The following FHIT variants were observed in gnomAD, a reference collection of about 807,000 sequenced individuals.
FHIT encodes bis(5'-adenosyl)-triphosphatase.
In FHIT, 19 loss-of-function variants were observed where a neutral mutation model predicts 17.9. The observed-to-expected ratio is 1.06, with a 90% CI of 0.74 to 1.56. The LOEUF is 1.56. Among genes scored for constraint, FHIT ranks in the 40% most tolerant of loss-of-function variants. The pLI, the probability that FHIT is intolerant of heterozygous loss-of-function variation, is 0.00. For synonymous variants in FHIT, 81 were observed against 69.7 expected (o/e 1.16, Z -0.81); for missense variants, 248 against 189.2 (o/e 1.31, Z -1.82).
intron 2 of FHIT, among the ~76,000 whole-genome samples, chr3:61,084,717 T>C (rs1390420292): frequency 6.6e-6 from 1 of 152,216 alleles, no homozygotes; most frequent in African/African-American, 2.4e-5. Flanking sequence ...ATGTACAGTT[T>C]GATGAGTTTT....
At chr3:60,121,188 T>C (rs1484664281) in intron 5 of FHIT, among the ~76,000 whole-genome samples, 2 of 152,174 alleles carry the variant, frequency 1.3e-5, no homozygotes, top group Non-Finnish European at 2.9e-5. Flanking sequence ...ATCAAGGCTG[T>C]AAGAAGACAG....
At chr3:60,196,962 G>A (rs556426607) in intron 5 of FHIT, among the ~76,000 whole-genome samples, 23 of 152,160 alleles carry the variant, frequency 1.5e-4, no homozygotes, top group African/African-American at 5.1e-4. Flanking sequence ...GACACCCCAT[G>A]CATATAAACT....
chr3:60,402,448 G>A (rs1701700794), intron 5 of FHIT, among the ~76,000 whole-genome samples: 2 of 152,038 alleles, frequency 1.3e-5, no homozygotes, highest in African/African-American at 2.4e-5. Context: ...TATAATCCTT[G>A]GTAAAACTCC....
In FHIT at chr3:60,288,566, A is replaced by AGTGTGTGTGTGTGTGTGTGTGT. The variant is rs139336094; in HGVS notation, c.103+248272_103+248293dup. Among the ~76,000 whole-genome samples the AGTGTGTGTGTGTGTGTGTGTGT allele has an allele frequency of 2.0e-3, 296 of 144,646 alleles. 1 individual carries two copies. Among genetic ancestry groups the AGTGTGTGTGTGTGTGTGTGTGT allele is most frequent in the Non-Finnish European group, 2.6e-3 (171 of 65,870 alleles). The allele number at this position is 144,646 out of a possible 152,430, so 94.9% of individuals were successfully genotyped here. A position where few individuals can be genotyped will look rare whatever the true frequency, so the allele number is the denominator to read the frequency against. On this transcript the variant is annotated intron_variant, in intron 5 of 9. Transcript: ENST00000492590. ...CATTCTGTTTTCTAGGTTCTGGCAC[A>AGTGTGTGTGTGTGTGTGTGTGT]GTGTGTGTGTGTGTGTGTGTGTGTG...
intron 5 of FHIT, among the ~76,000 whole-genome samples, chr3:60,209,851 G>GC (rs1460047478): frequency 1.3e-5 from 2 of 151,920 alleles, no homozygotes; most frequent in Non-Finnish European, 2.9e-5. Flanking sequence ...ACCAAATACC[G>GC]CATGTTCTCA....
At chr3:60,584,772 A>G (rs1196082420) in intron 4 of FHIT, among the ~76,000 whole-genome samples, 1 of 152,002 alleles carries the variant, frequency 6.6e-6, no homozygotes, top group Non-Finnish European at 1.5e-5. Context: ...CTAATTATCC[A>G]TGAGCCTATT....
In FHIT at chr3:61,239,762, C is replaced by CATAT. The variant is rs72107416; in HGVS notation, c.-213+11535_-213+11538dup. ...AAAACTGCAAAGAAAAACAACTGGC[C>CATAT]ATATATATATATATATATATATACA... On this transcript the variant is annotated intron_variant, in intron 1 of 9. Coordinates refer to ENST00000492590, the MANE Select transcript of FHIT (RefSeq NM_002012.4). 5.6e-3 allele frequency among the ~76,000 whole-genome samples: 607 copies of CATAT among 108,280 alleles called. 12 individuals are homozygous for CATAT. Among genetic ancestry groups the CATAT allele is most frequent in the Admixed American group, 0.011 (106 of 10,066 alleles). 71.0% of individuals were successfully genotyped at this position (108,280 alleles called of 152,430 possible).
At chr3:61,139,058 C>G (rs931529292) in intron 2 of FHIT, among the ~76,000 whole-genome samples, 1 of 143,376 alleles carries the variant, frequency 7.0e-6, no homozygotes, top group East Asian at 2.1e-4. Context: ...GAGACAGAGT[C>G]TCACTCTGTC....
chr3:60,215,330 C>T (rs213380), intron 5 of FHIT, among the ~76,000 whole-genome samples: 86,052 of 151,684 alleles, frequency 0.57, 24,881 homozygotes, highest in East Asian at 0.82. Context: ...AATACAAAAA[C>T]TAGCTAGGCA....
intron 3 of FHIT, among the ~76,000 whole-genome samples, chr3:60,886,816 C>T (rs1213690015): frequency 1.3e-5 from 2 of 152,018 alleles, no homozygotes; most frequent in Admixed American, 1.3e-4. Flanking sequence ...ACATTCTATC[C>T]CTACACCAAA....
chr3:60,629,090 T>A (rs1228430620), intron 4 of FHIT, among the ~76,000 whole-genome samples: 1 of 152,156 alleles, frequency 6.6e-6, no homozygotes, highest in African/African-American at 2.4e-5. Flanking sequence ...AGGTAATTCC[T>A]AAACTTTCCG....
At chr3:60,542,444 C>G (rs774596629) in intron 4 of FHIT, among the ~76,000 whole-genome samples, 16 of 152,164 alleles carry the variant, frequency 1.1e-4, no homozygotes, top group Admixed American at 1.0e-3. Context: ...ACATCCTTAC[C>G]AGCACTTGAT....
intron 3 of FHIT, among the ~76,000 whole-genome samples, chr3:61,026,551 C>G (rs2032742603): frequency 6.6e-6 from 1 of 152,172 alleles, no homozygotes; most frequent in African/African-American, 2.4e-5. Context: ...TTAAAGCAAA[C>G]TTGTCCAACC....
At chr3:60,498,404 T>G (rs560485880) in intron 5 of FHIT, among the ~76,000 whole-genome samples, 2 of 152,324 alleles carry the variant, frequency 1.3e-5, no homozygotes, top group Non-Finnish European at 2.9e-5. Flanking sequence ...AATTATAATT[T>G]TACTAGTTTA....
intron 3 of FHIT, among the ~76,000 whole-genome samples, chr3:60,946,121 A>T (rs562727083): frequency 2.0e-5 from 3 of 152,302 alleles, no homozygotes; most frequent in Non-Finnish European, 4.4e-5. Context: ...GAAAGTGAGG[A>T]TACAGGAGGA....
intron 3 of FHIT, among the ~76,000 whole-genome samples, chr3:60,857,739 G>A (rs1703447460): frequency 6.6e-6 from 1 of 152,060 alleles, no homozygotes; most frequent in South Asian, 2.1e-4. Flanking sequence ...GACCAGCCTG[G>A]GCAACAAAGC....
intron 2 of FHIT, among the ~76,000 whole-genome samples, chr3:61,182,910 G>T (rs540483985): frequency 6.6e-6 from 1 of 152,302 alleles, no homozygotes; most frequent in Non-Finnish European, 1.5e-5. Flanking sequence ...CTACTTCTAT[G>T]CACCATCTCT....
At chr3:60,579,634 T>C (rs2037690009) in intron 4 of FHIT, among the ~76,000 whole-genome samples, 1 of 152,150 alleles carries the variant, frequency 6.6e-6, no homozygotes, top group Non-Finnish European at 1.5e-5. Context: ...CATATAAATA[T>C]ATACATGCTT....
At chr3:60,056,363 A>C (rs1702081428) in intron 5 of FHIT, among the ~76,000 whole-genome samples, 1 of 152,200 alleles carries the variant, frequency 6.6e-6, no homozygotes, top group South Asian at 2.1e-4. Flanking sequence ...TAACCATTTA[A>C]TATATTGGGG....
Sources: gnomAD v4.1 joint callset for allele counts (sites outside exome capture counted in the v4.1 genomes callset) on GRCh38, gnomAD v4.1.1 for gene constraint, MANE v1.5 for transcripts, NCBI Gene and HGNC (gene_info 2026-07-23, HGNC 2026-07-21) for gene names.